The following NR2F1-AS1 variants were observed in gnomAD, a reference collection of about 807,000 sequenced individuals.
The protein encoded by NR2F1-AS1 is NR2F1 regulatory antisense RNA 1.
intron 4 of NR2F1-AS1, among the ~76,000 whole-genome samples, chr5:93,466,384 G>T (rs1447172051): frequency 6.6e-6 from 1 of 151,072 alleles, no homozygotes; most frequent in African/African-American, 2.4e-5. Flanking sequence ...AGGCACTGGA[G>T]TGCAGTGGCG....
chr5:93,497,658 T>A (rs1750992806), intron 4 of NR2F1-AS1, among the ~76,000 whole-genome samples: 1 of 152,206 alleles, frequency 6.6e-6, no homozygotes, highest in South Asian at 2.1e-4. Flanking sequence ...TAAGTTTATA[T>A]ACTATCCTCA....
intron 4 of NR2F1-AS1, among the ~76,000 whole-genome samples, chr5:93,468,584 C>T (rs1750295282): frequency 1.3e-5 from 2 of 152,230 alleles, no homozygotes; most frequent in Admixed American, 1.3e-4. Context: ...AATTTTCTAC[C>T]ATTCTGTAGG....
chr5:93,449,090 T>A (rs1410813113), intron 4 of NR2F1-AS1, among the ~76,000 whole-genome samples: 2 of 152,112 alleles, frequency 1.3e-5, no homozygotes, highest in Non-Finnish European at 2.9e-5. Context: ...AAACTGTTTA[T>A]ATAAAGTATC....
At chr5:93,449,513 A>C (rs1371436876) in intron 4 of NR2F1-AS1, among the ~76,000 whole-genome samples, 1 of 152,182 alleles carries the variant, frequency 6.6e-6, no homozygotes, top group Non-Finnish European at 1.5e-5. Context: ...CCTAATATTC[A>C]CCTTCTTACA....
intron 4 of NR2F1-AS1, among the ~76,000 whole-genome samples, chr5:93,528,776 T>C (rs1751673576): frequency 6.6e-6 from 1 of 152,082 alleles, no homozygotes; most frequent in South Asian, 2.1e-4. Context: ...GAAACCATCA[T>C]TCTCAGCAAA....
At chr5:93,468,720 C>T (rs199912201) in intron 4 of NR2F1-AS1, among the ~76,000 whole-genome samples, 2 of 151,846 alleles carry the variant, frequency 1.3e-5, no homozygotes, top group African/African-American at 4.8e-5. Context: ...AAGTCTTTGC[C>T]CATGCCTATG....
intron 4 of NR2F1-AS1, among the ~76,000 whole-genome samples, chr5:93,509,907 T>C (rs1751261781): frequency 6.6e-6 from 1 of 152,002 alleles, no homozygotes; most frequent in Non-Finnish European, 1.5e-5. Context: ...TCAACTATCT[T>C]ATGTATAGTC....
upstream of NR2F1-AS1, among the ~76,000 whole-genome samples, chr5:93,581,604 G>GCTC (rs1240808685): frequency 6.7e-6 from 1 of 148,756 alleles, no homozygotes; most frequent in Non-Finnish European, 1.5e-5. Context: ...CGCGGGACCC[G>GCTC]CTCCTCCCGC....
chr5:93,510,039 A>T (rs1258817690), intron 4 of NR2F1-AS1, among the ~76,000 whole-genome samples: 3 of 152,106 alleles, frequency 2.0e-5, no homozygotes, highest in Non-Finnish European at 4.4e-5. Context: ...TCCAACCAAA[A>T]TATCTAAAAA....
At chr5:93,535,728 C>G (rs574912801) in intron 4 of NR2F1-AS1, among the ~76,000 whole-genome samples, 1 of 152,172 alleles carries the variant, frequency 6.6e-6, no homozygotes, top group East Asian at 1.9e-4. Context: ...GAAAGACAGA[C>G]AAAAACTATA....
At chr5:93,455,031 A>C (rs1348224191) in intron 4 of NR2F1-AS1, among the ~76,000 whole-genome samples, 1 of 152,182 alleles carries the variant, frequency 6.6e-6, no homozygotes, top group Non-Finnish European at 1.5e-5. Context: ...AATGAACCCA[A>C]GGATGGGGTC....
chr5:93,575,734 T>C (rs1752880714), intron 1 of NR2F1-AS1, among the ~76,000 whole-genome samples: 1 of 152,142 alleles, frequency 6.6e-6, no homozygotes, highest in African/African-American at 2.4e-5. Context: ...CTTTTTTTTT[T>C]CAGTACTTAA....
rs1750930647 is a variant in NR2F1-AS1, at chr5:93,495,087, T to C, written n.638+58674A>G. ...TCCAAGATAGAATCAGCATTTATTA[T>C]ATAAATAACTACTTATACAATTTGG... is the stretch of plus-strand genomic sequence containing the variant. On this transcript the variant is annotated intron_variant and non_coding_transcript_variant, in intron 4 of 5. Coordinates refer to ENST00000660523, the Ensembl canonical transcript of NR2F1-AS1. Among the ~76,000 whole-genome samples the C allele has an allele frequency of 2.0e-5, 3 of 152,334 alleles. No homozygotes were observed. In the South Asian group the frequency reaches 6.2e-4, roughly 32 times the overall value.
chr5:93,562,190 A>AAAAAAAAAAAAG, intron 2 of NR2F1-AS1, among the ~76,000 whole-genome samples: 1 of 125,856 alleles, frequency 7.9e-6, no homozygotes, highest in African/African-American at 3.1e-5. Flanking sequence ...CTACAAAAAA[A>AAAAAAAAAAAAG]AAAAAAAAAG....
At chr5:93,475,815 C>T (rs576463873) in intron 4 of NR2F1-AS1, among the ~76,000 whole-genome samples, 2 of 152,160 alleles carry the variant, frequency 1.3e-5, no homozygotes, top group African/African-American at 4.8e-5. Context: ...CTTGACCCCC[C>T]ACGTTCACTG....
chr5:93,429,283 A>G (rs2149845955), intron 4 of NR2F1-AS1, among the ~76,000 whole-genome samples: 1 of 152,344 alleles, frequency 6.6e-6, no homozygotes, highest in Admixed American at 6.5e-5. Flanking sequence ...TCTACGAAAT[A>G]ACAAATATCT....
rs557603658 is a variant in NR2F1-AS1, at chr5:93,426,326, G to C, written n.639-30784C>G. Among the ~76,000 whole-genome samples the C allele has an allele frequency of 7.2e-5, 11 of 152,222 alleles. No homozygotes were observed. In the South Asian group the frequency reaches 2.1e-3, roughly 29 times the overall value. ...ACCTCCCAAAGTGCTGGAATTACAG[G>C]CATCAGCCACCATGCCCGGCCCACC... On this transcript the variant is annotated intron_variant and non_coding_transcript_variant, in intron 4 of 5. Transcript: ENST00000660523.
chr5:93,506,749 C>A (rs972538487), intron 4 of NR2F1-AS1, among the ~76,000 whole-genome samples: 1 of 152,088 alleles, frequency 6.6e-6, no homozygotes. Context: ...CGGGTCCCTC[C>A]CAGAACACAT....
At chr5:93,524,164 G>T (rs1404955848) in intron 4 of NR2F1-AS1, among the ~76,000 whole-genome samples, 1 of 151,858 alleles carries the variant, frequency 6.6e-6, no homozygotes, top group Admixed American at 6.6e-5. Flanking sequence ...GAACATAAAT[G>T]ATCTGATGGA....
Sources: gnomAD v4.1 joint callset for allele counts (sites outside exome capture counted in the v4.1 genomes callset) on GRCh38, gnomAD v4.1.1 for gene constraint, MANE v1.5 for transcripts, NCBI Gene and HGNC (gene_info 2026-07-23, HGNC 2026-07-21) for gene names.